The following GRIK4 variants were observed in gnomAD, a reference collection of about 807,000 sequenced individuals.
GRIK4 encodes glutamate ionotropic receptor kainate type subunit 4, also known as glutamate receptor ionotropic, kainate 4.
GRIK4 carries 40 observed loss-of-function variants against 104.9 expected under a neutral mutation model. That is an observed-to-expected ratio of 0.38 (90% CI 0.30 to 0.50). The LOEUF is 0.50. GRIK4 is among the 20% of genes least tolerant of loss of function. The pLI, the probability that GRIK4 is intolerant of heterozygous loss-of-function variation, is 0.93. For synonymous variants in GRIK4, 485 were observed against 524.9 expected (o/e 0.92, Z 1.04); for missense variants, 1,047 against 1,308.1 (o/e 0.80, Z 3.08).
intron 3 of GRIK4, among the ~76,000 whole-genome samples, chr11:120,786,659 G>A (rs1170696838): frequency 6.6e-6 from 1 of 152,034 alleles, no homozygotes. Flanking sequence ...AAACAGAAAT[G>A]CATGTACATA....
At chr11:120,773,711 C>A (rs1951988303) in intron 3 of GRIK4, among the ~76,000 whole-genome samples, 1 of 152,142 alleles carries the variant, frequency 6.6e-6, no homozygotes, top group Admixed American at 6.5e-5. Context: ...GACTGTAAAA[C>A]AGCTGACTCA....
intron 9 of GRIK4, chr11:120,868,212 A>G (rs1006069160): frequency 6.6e-6 from 1 of 152,240 alleles, no homozygotes; most frequent in Non-Finnish European, 1.5e-5. Context: ...GAACTGATTC[A>G]TCTTAATTTA....
chr11:120,785,827 G>A (rs189110565), intron 3 of GRIK4, among the ~76,000 whole-genome samples: 2 of 152,202 alleles, frequency 1.3e-5, no homozygotes, highest in Admixed American at 6.5e-5. Context: ...CATCCTCCTG[G>A]TGGCTCTGTG....
At chr11:120,616,967 C>T (rs1203751691) in intron 1 of GRIK4, among the ~76,000 whole-genome samples, 1 of 152,130 alleles carries the variant, frequency 6.6e-6, no homozygotes, top group Non-Finnish European at 1.5e-5. Context: ...AAAGCCTCTG[C>T]TAGAATGATC....
intron 3 of GRIK4, among the ~76,000 whole-genome samples, chr11:120,716,023 G>T (rs1345849067): frequency 6.6e-6 from 1 of 152,130 alleles, no homozygotes; most frequent in Non-Finnish European, 1.5e-5. Flanking sequence ...GGCAGTGGGG[G>T]AAGGCGGCTA....
At chr11:120,670,633 G>T (rs1377051840) in intron 3 of GRIK4, among the ~76,000 whole-genome samples, 1 of 152,210 alleles carries the variant, frequency 6.6e-6, no homozygotes, top group African/African-American at 2.4e-5. Context: ...TGCAGGTCAT[G>T]CCCTGACCAT....
At chr11:120,657,614 C>T (rs1176741185) in intron 2 of GRIK4, among the ~76,000 whole-genome samples, 1 of 152,238 alleles carries the variant, frequency 6.6e-6, no homozygotes, top group Non-Finnish European at 1.5e-5. Flanking sequence ...ATAAAGGCAA[C>T]AGCAGAGGCA....
At chr11:120,667,060 G>A (rs1251905758) in intron 3 of GRIK4, among the ~76,000 whole-genome samples, 2 of 152,162 alleles carry the variant, frequency 1.3e-5, no homozygotes, top group African/African-American at 2.4e-5. Context: ...CACACAGGTC[G>A]GACAGGGATT....
intron 6 of GRIK4, 116 bp downstream of exon 6, chr11:120,820,036 C>A: frequency 2.2e-6 from 2 of 929,596 alleles, no homozygotes; most frequent in Non-Finnish European, 3.4e-6. Context: ...TTCAGATCCA[C>A]AGGGCTGATA....
chr11:120,837,303 G>A (rs1591976005), intron 8 of GRIK4, among the ~76,000 whole-genome samples: 1 of 152,206 alleles, frequency 6.6e-6, no homozygotes, highest in South Asian at 2.1e-4. Flanking sequence ...CTGTGGGATT[G>A]TTAACCCTGT....
chr11:120,615,778 A>G (rs1386636510), intron 1 of GRIK4, among the ~76,000 whole-genome samples: 2 of 152,110 alleles, frequency 1.3e-5, no homozygotes, highest in South Asian at 2.1e-4. Context: ...CTCAGTTTTC[A>G]TTTTAATCTG....
intron 3 of GRIK4, among the ~76,000 whole-genome samples, chr11:120,713,081 AAGC>A (rs1221216274): frequency 6.6e-6 from 1 of 152,162 alleles, no homozygotes; most frequent in Non-Finnish European, 1.5e-5. Flanking sequence ...ACTTTTTTAT[AAGC>A]AGCAGTTTGC....
At chr11:120,612,112 C>T (rs1949045021) in intron 1 of GRIK4, among the ~76,000 whole-genome samples, 1 of 152,200 alleles carries the variant, frequency 6.6e-6, no homozygotes, top group Non-Finnish European at 1.5e-5. Context: ...TCCTGACATG[C>T]TTGTCATACT....
At chr11:120,786,171 C>T (rs544038823) in intron 3 of GRIK4, among the ~76,000 whole-genome samples, 2 of 152,272 alleles carry the variant, frequency 1.3e-5, no homozygotes, top group South Asian at 4.1e-4. Flanking sequence ...GTGCCATGGC[C>T]TTGGGGATCC....
intron 13 of GRIK4, among the ~76,000 whole-genome samples, chr11:120,908,454 C>A (rs11218054): frequency 1.3e-3 from 31 of 24,530 alleles, no homozygotes; most frequent in Middle Eastern, 0.023. Context: ...CACACACACA[C>A]ACACACAGAG....
At chr11:120,912,327 G>A (rs1290836157) in intron 13 of GRIK4, among the ~76,000 whole-genome samples, 3 of 152,166 alleles carry the variant, frequency 2.0e-5, no homozygotes, top group African/African-American at 7.2e-5. Flanking sequence ...TGGCTAGAGT[G>A]GGCTTCAGCA....
chr11:120,843,422 G>A (rs1037192674), intron 8 of GRIK4, among the ~76,000 whole-genome samples: 2 of 152,352 alleles, frequency 1.3e-5, no homozygotes, highest in Non-Finnish European at 2.9e-5. Flanking sequence ...TCAGCAGGAG[G>A]CCTCATTATT....
At chr11:120,848,076 T>C (rs920277717) in intron 8 of GRIK4, among the ~76,000 whole-genome samples, 2 of 152,232 alleles carry the variant, frequency 1.3e-5, no homozygotes, top group Non-Finnish European at 2.9e-5. Context: ...TCCCTGTTCC[T>C]GACCCTGGAA....
chr11:120,699,089 T>A (rs1950506383), intron 3 of GRIK4, among the ~76,000 whole-genome samples: 1 of 152,262 alleles, frequency 6.6e-6, no homozygotes, highest in Non-Finnish European at 1.5e-5. Context: ...TCTCGTGTCA[T>A]ATTTCCCGTT....
Sources: gnomAD v4.1 joint callset for allele counts (sites outside exome capture counted in the v4.1 genomes callset) on GRCh38, gnomAD v4.1.1 for gene constraint, MANE v1.5 for transcripts, NCBI Gene and HGNC (gene_info 2026-07-23, HGNC 2026-07-21) for gene names.